The following MRTFB variants were observed in gnomAD, a reference collection of about 807,000 sequenced individuals.
The protein encoded by MRTFB is myocardin-related transcription factor B.
In MRTFB, 29 loss-of-function variants were observed where a neutral mutation model predicts 104.2. The ratio of observed to expected loss-of-function variants is 0.28; its 90% CI spans 0.21 to 0.38. The LOEUF (loss-of-function observed/expected upper bound fraction) is 0.38. MRTFB is among the 10% of genes least tolerant of loss of function. The probability of loss-of-function intolerance (pLI) is 1.00; values close to 1 mark genes in which losing one functional copy is unlikely to be tolerated. For missense variants in MRTFB, 1,270 were observed against 1,341.6 expected, an observed-to-expected ratio of 0.95 and a Z score of 0.83; for synonymous variants, 535 against 519.5, an observed-to-expected ratio of 1.03 and a Z score of -0.41.
At chr16:14,150,151 GA>G (rs1447975805) in intron 3 of MRTFB, among the ~76,000 whole-genome samples, 2 of 152,166 alleles carry the variant, frequency 1.3e-5, no homozygotes, top group African/African-American at 4.8e-5. Flanking sequence ...CTAGCTATGT[GA>G]ATGTGGACCA....
intron 13 of MRTFB, among the ~76,000 whole-genome samples, chr16:14,249,317 C>T (rs1466264247): frequency 1.3e-5 from 2 of 152,210 alleles, no homozygotes; most frequent in African/African-American, 4.8e-5. Flanking sequence ...CAGTTAACCC[C>T]TTTTCCAAGG....
At chr16:14,202,469 T>C (rs2040750240) in intron 3 of MRTFB, among the ~76,000 whole-genome samples, 2 of 152,188 alleles carry the variant, frequency 1.3e-5, no homozygotes, top group African/African-American at 2.4e-5. Flanking sequence ...AGTCCCGGGC[T>C]CAGAAGGAGA....
intron 9 of MRTFB, among the ~76,000 whole-genome samples, chr16:14,238,890 C>T (rs1276818656): frequency 2.0e-5 from 3 of 152,116 alleles, no homozygotes; most frequent in Non-Finnish European, 4.4e-5. Context: ...TATATTATGT[C>T]CAGTAGTATG....
chr16:14,247,713 CT>C (rs1236111682), intron 12 of MRTFB: 1 of 582,180 alleles, frequency 1.7e-6, no homozygotes. Context: ...GGATGCTTTT[CT>C]AGTCCTGTTA....
chr16:14,164,231 T>G (rs2039148250), intron 3 of MRTFB, among the ~76,000 whole-genome samples: 1 of 152,176 alleles, frequency 6.6e-6, no homozygotes. Flanking sequence ...CACACCCTTC[T>G]CAGCCGCAGA....
the MRTFB span, among the ~76,000 whole-genome samples, chr16:14,018,632 T>C: frequency 1.3e-5 from 2 of 152,174 alleles, no homozygotes; most frequent in African/African-American, 4.8e-5. Flanking sequence ...CATTTGCACC[T>C]GGCATCATGA....
At chr16:14,240,587 G>A in intron 10 of MRTFB, 103 bp downstream of exon 10, 1 of 1,567,544 alleles carries the variant, frequency 6.4e-7, no homozygotes, top group Non-Finnish European at 8.8e-7. Flanking sequence ...TTTGTGCTCA[G>A]TAATGATTTT....
chr16:14,261,487 A>T lies in MRTFB; in HGVS notation c.*43A>T. 2.0e-6 allele frequency: 3 copies of T among 1,520,422 alleles called. No homozygotes were observed. The South Asian group carries it at 3.9e-5, about 20-fold the overall frequency. 94.2% of individuals were successfully genotyped at this position (1,520,422 alleles called of 1,614,324 possible). ...CTGAGAGTTGATGAGGTTTAAGAAC[A>T]TGAAGATTCTAAAAGGTCAGTTTTT... On this transcript the variant is annotated 3_prime_UTR_variant, in exon 17 of 17. Coordinates refer to ENST00000571589, the MANE Select transcript of MRTFB (RefSeq NM_001308142.2).
chr16:14,101,676 G>A (rs2142062286), intron 2 of MRTFB, among the ~76,000 whole-genome samples: 1 of 152,286 alleles, frequency 6.6e-6, no homozygotes, highest in South Asian at 2.1e-4. Flanking sequence ...AGATTCTGTT[G>A]AAGAGGAGGA....
At chr16:14,076,774 T>A (rs1261042183) in intron 1 of MRTFB, among the ~76,000 whole-genome samples, 2 of 152,226 alleles carry the variant, frequency 1.3e-5, no homozygotes, top group Non-Finnish European at 2.9e-5. Flanking sequence ...TGTATGAGAC[T>A]CCTTATTTCT....
intron 1 of MRTFB, among the ~76,000 whole-genome samples, chr16:14,074,894 G>A (rs1280442563): frequency 6.6e-6 from 1 of 152,142 alleles, no homozygotes; most frequent in East Asian, 1.9e-4. Flanking sequence ...TTTTGAAAAT[G>A]TTTAAAAGGA....
At chr16:14,160,302 T>C (rs1025443043) in intron 3 of MRTFB, among the ~76,000 whole-genome samples, 1 of 152,202 alleles carries the variant, frequency 6.6e-6, no homozygotes, top group African/African-American at 2.4e-5. Flanking sequence ...GACCCCAATT[T>C]GAATTTGTCA....
chr16:14,200,477 T>A, intron 3 of MRTFB: 9 of 1,610,642 alleles, frequency 5.6e-6, no homozygotes, highest in Non-Finnish European at 3.4e-6. Flanking sequence ...GTTTTTCCAC[T>A]TATTCTTTCG....
At chr16:14,217,056 G>T in intron 6 of MRTFB, 70 bp from the exon 7 acceptor site, 1 of 1,435,670 alleles carries the variant, frequency 7.0e-7, no homozygotes, top group Non-Finnish European at 9.3e-7. Flanking sequence ...TCAGTTTGTT[G>T]GCCTGAAATA....
intron 7 of MRTFB, among the ~76,000 whole-genome samples, chr16:14,218,428 T>G (rs1043183547): frequency 6.6e-6 from 1 of 152,168 alleles, no homozygotes; most frequent in Non-Finnish European, 1.5e-5. Flanking sequence ...TGCCTCTGCC[T>G]GATATTTCTG....
the MRTFB span, among the ~76,000 whole-genome samples, chr16:14,055,308 G>C: frequency 6.6e-6 from 1 of 152,202 alleles, no homozygotes; most frequent in Non-Finnish European, 1.5e-5. Context: ...CCGAGATTGC[G>C]CCACTGCACT....
At chr16:14,130,014 A>G (rs1162326735) in intron 2 of MRTFB, among the ~76,000 whole-genome samples, 1 of 152,092 alleles carries the variant, frequency 6.6e-6, no homozygotes, top group Non-Finnish European at 1.5e-5. Context: ...TATTTTTAGT[A>G]GAGACGGGAT....
chr16:14,222,504 G>A (rs954397597), intron 8 of MRTFB, among the ~76,000 whole-genome samples: 2 of 151,294 alleles, frequency 1.3e-5, no homozygotes, highest in Non-Finnish European at 2.9e-5. Context: ...TTCTTCCAGT[G>A]TGGCCCAGGG....
chr16:14,247,120 C>A lies in MRTFB; in HGVS notation c.1860C>A (p.Ala620=). ...QQRPLEAQPS[A]PGHSVKSDQK... ...GGCCCCTGGAAGCCCAGCCCAGTGC[C>A]CCAGGTCATTCTGTCAAGTCAGATC... Residue 620 remains alanine (A), a synonymous_variant, in exon 12 of 17, where the codon GCC becomes GCA. Transcript: ENST00000571589. The A allele has an allele frequency of 6.2e-7, 1 of 1,614,126 alleles. No individual in the cohort carries two copies. The highest frequency in any genetic ancestry group is 1.7e-5 in the Admixed American group (1 of 60,030).
Sources: allele counts gnomAD v4.1 joint callset (sites outside exome capture counted in the v4.1 genomes callset), GRCh38; gene constraint gnomAD v4.1.1; transcripts MANE v1.5; gene names NCBI Gene and HGNC (gene_info 2026-07-23, HGNC 2026-07-21).